FCHO1: variants seen among roughly 807,000 people sequenced by gnomAD.
The protein encoded by FCHO1 is FCH and mu domain containing endocytic adaptor 1, also known as F-BAR domain only protein 1.
In FCHO1, 45 loss-of-function variants were observed where a neutral mutation model predicts 114.4. The observed-to-expected ratio is 0.39, with a 90% CI of 0.31 to 0.50. FCHO1 has a LOEUF of 0.50. FCHO1 is among the 20% of genes least tolerant of loss of function. FCHO1 has a pLI of 0.77. For synonymous variants in FCHO1, 480 were observed against 488.9 expected, an observed-to-expected ratio of 0.98 and a Z score of 0.24; for missense variants, 1,042 against 1,209.6, an observed-to-expected ratio of 0.86 and a Z score of 2.06.
In FCHO1 at chr19:17,784,840, T is replaced by C; in HGVS notation, c.2342T>C (p.Val781Ala). 1 of 1,613,954 alleles carries C rather than the reference T, an allele frequency of 6.2e-7. No individual in the cohort carries two copies. The highest frequency in any genetic ancestry group is 1.1e-5 in the South Asian group (1 of 91,088). ...EYGYRPGATAVPTPLTNVQIL... is the reference protein window; with the variant it reads ...EYGYRPGATAAPTPLTNVQIL... The stretch of plus-strand genomic sequence containing the variant: ...GGCTACCGGCCCGGTGCCACGGCTG[T>C]GCCCACACCACTCACGAACGTCCAG... The change falls in exon 26 of 29, where the codon GTG becomes GCG. Residue 781 changes from valine to alanine, a missense_variant. Val to Ala is a moderately conservative substitution (Grantham distance 64, BLOSUM62 0). Around this residue, in one of 3 missense-constraint regions of FCHO1, gnomAD observed 137 missense variants for 190.0 expected, o/e 0.72. Coordinates refer to ENST00000596536, the MANE Select transcript of FCHO1 (RefSeq NM_015122.3). This position sits in a 1 kb window ranked among gnomAD's most constrained non-coding sequence, Gnocchi z 5.3.
intron 20 of FCHO1, 34 bp from the exon 21 acceptor site, chr19:17,781,197 C>T (rs1359771697): frequency 2.0e-6 from 3 of 1,500,266 alleles, no homozygotes; most frequent in Non-Finnish European, 2.8e-6. Context: ...CCCCGGGCAG[C>T]ATCTCAGCAG....
At position 17,784,638 on chromosome 19, in the gene FCHO1, G is replaced by T. The variant is rs1238762909; in HGVS notation, c.2227-87G>T. The stretch of plus-strand genomic sequence containing the variant: ...ACCCCCTTGGGGCGGTGCGTGCATC[G>T]CAGGGTCAAGGTGGTTGAATAGCGC... On this transcript the variant is annotated intron_variant, in intron 25 of 28. Transcript: ENST00000596536. The surrounding 1 kb of genome is among the most constrained non-coding windows in gnomAD (Gnocchi z 5.3). 1.5e-6 allele frequency: 2 copies of T among 1,293,004 alleles called. No homozygotes were observed. The highest frequency in any genetic ancestry group is 2.9e-5 in the African/African-American group (2 of 68,634). The allele number at this position is 1,293,004 out of a possible 1,614,324, so 80.1% of individuals were successfully genotyped here.
In FCHO1 at chr19:17,776,896, C is replaced by T. The variant is rs1390581533; in HGVS notation, c.1259+210C>T. On this transcript the variant is annotated intron_variant, in intron 18 of 28. Transcript: ENST00000596536. This position sits in a 1 kb window ranked among gnomAD's most constrained non-coding sequence, Gnocchi z 4.4. ...CACTGCAACCTCCACCTCCTGAGTT[C>T]AAGCGATTTTCATGCCTCAGCCTCC... is the stretch of plus-strand genomic sequence containing the variant. Among the ~76,000 whole-genome samples the T allele has an allele frequency of 6.6e-6, 1 of 152,070 alleles. No individual in the cohort carries two copies. The highest frequency in any genetic ancestry group is 1.5e-5 in the Non-Finnish European group (1 of 68,014).
chr19:17,765,052 G>A (rs1197026421), intron 6 of FCHO1, among the ~76,000 whole-genome samples: 2 of 125,204 alleles, frequency 1.6e-5, no homozygotes, highest in South Asian at 2.6e-4. Context: ...CAATAAGAGC[G>A]AAAACTCTGT....
chr19:17,784,834 C>T lies in FCHO1; in HGVS notation c.2336C>T (p.Thr779Met), dbSNP rs546367278. 1.9e-5 allele frequency: 31 copies of T among 1,613,934 alleles called. No homozygotes were observed. Among genetic ancestry groups the T allele is most frequent in the Middle Eastern group, 1.6e-4 (1 of 6,062 alleles). Residue 779 changes from threonine to methionine, a missense_variant, in exon 26 of 29, where the codon ACG becomes ATG. This residue lies in a region of FCHO1 where 137 missense variants were observed against 190.0 expected (regional missense o/e 0.72). Transcript: ENST00000596536. This position sits in a 1 kb window ranked among gnomAD's most constrained non-coding sequence, Gnocchi z 5.3. ...GAGTACGGCTACCGGCCCGGTGCCA[C>T]GGCTGTGCCCACACCACTCACGAAC... ...SVEYGYRPGA[T>M]AVPTPLTNVQ...
At position 17,766,665 on chromosome 19, in the gene FCHO1, C is replaced by G. The variant is rs1328056407; in HGVS notation, c.195-4C>G. ...ACCCTGGGTGTGACCTTGCCCGCCCCCAGGACCTTCGCCCCGCTCTGGGAG... is the reference window on the plus strand; with the variant it reads ...ACCCTGGGTGTGACCTTGCCCGCCCGCAGGACCTTCGCCCCGCTCTGGGAG... On this transcript the variant is annotated splice_region_variant and splice_polypyrimidine_tract_variant and intron_variant, in intron 6 of 28. Coordinates refer to ENST00000596536, the MANE Select transcript of FCHO1 (RefSeq NM_015122.3). The G allele has an allele frequency of 1.2e-6, 2 of 1,614,092 alleles. No individual in the cohort carries two copies. The highest frequency in any genetic ancestry group is 1.7e-6 in the Non-Finnish European group (2 of 1,180,022).
intron 24 of FCHO1, 86 bp downstream of exon 24, chr19:17,783,258 G>GT: frequency 4.5e-6 from 6 of 1,320,760 alleles, no homozygotes; most frequent in Non-Finnish European, 5.2e-6. Context: ...TGCTTCCTGG[G>GT]ATTTTTTCTT....
At chr19:17,766,346 C>T (rs918860815) in intron 6 of FCHO1, among the ~76,000 whole-genome samples, 1 of 151,882 alleles carries the variant, frequency 6.6e-6, no homozygotes, top group African/African-American at 2.4e-5. Context: ...CCATGTTGCT[C>T]AGGCTGGTCT....
chr19:17,748,518 T>C (rs1249110254), upstream of FCHO1, among the ~76,000 whole-genome samples: 1 of 121,206 alleles, frequency 8.3e-6, no homozygotes, highest in African/African-American at 3.3e-5. Flanking sequence ...GGGGGGGGGG[T>C]CCCTCTTTTA....
At chr19:17,762,877 C>T in intron 5 of FCHO1, 24 bp downstream of exon 5, 1 of 1,504,142 alleles carries the variant, frequency 6.6e-7, no homozygotes, top group Non-Finnish European at 9.3e-7. Flanking sequence ...GCCCCATCCA[C>T]CAGAGGCCAC....
intron 9 of FCHO1, among the ~76,000 whole-genome samples, chr19:17,771,959 C>T (rs140481067): frequency 1.8e-4 from 28 of 152,148 alleles, no homozygotes; most frequent in African/African-American, 6.7e-4. Context: ...ATTACAGGCA[C>T]GTGCCACCAC....
chr19:17,760,857 C>T (rs1042576539), intron 4 of FCHO1, among the ~76,000 whole-genome samples: 3 of 152,118 alleles, frequency 2.0e-5, no homozygotes, highest in Admixed American at 6.6e-5. Flanking sequence ...CCATTTTGGC[C>T]AGGCTGGTCT....
At chr19:17,751,042 G>A (rs1452784915), upstream of FCHO1, among the ~76,000 whole-genome samples, 14 of 152,054 alleles carry the variant, frequency 9.2e-5, no homozygotes, top group Admixed American at 5.2e-4. The surrounding 1 kb of genome is among the most constrained non-coding windows in gnomAD (Gnocchi z 4.4). Context: ...GGGTTTCACC[G>A]TGTTGGCCAG....
chr19:17,773,291 G>A (rs901722800), intron 11 of FCHO1, among the ~76,000 whole-genome samples: 2 of 152,216 alleles, frequency 1.3e-5, no homozygotes, highest in Non-Finnish European at 2.9e-5. Flanking sequence ...CATCTGTAAA[G>A]TGAGGATGTA....
In FCHO1 at chr19:17,772,749, A is replaced by C. The variant is rs1599690770; in HGVS notation, c.790+8A>C. ...CAGGCCGGGAGAAGCCTGGTGAGTC[A>C]GGGCAGCCATTGGGGGTCGGGCTTC... On this transcript the variant is annotated splice_region_variant and intron_variant, in intron 11 of 28. Coordinates refer to ENST00000596536, the MANE Select transcript of FCHO1 (RefSeq NM_015122.3). 3.7e-6 allele frequency: 6 copies of C among 1,612,364 alleles called. No homozygotes were observed. Among genetic ancestry groups the C allele is most frequent in the Non-Finnish European group, 5.1e-6 (6 of 1,178,530 alleles).
Position 17,751,817 on chromosome 19 carries a change from C to T in FCHO1, c.-183+240C>T, listed in dbSNP as rs184173366. On this transcript the variant is annotated intron_variant, in intron 1 of 28. Transcript: ENST00000596536. This position sits in a 1 kb window ranked among gnomAD's most constrained non-coding sequence, Gnocchi z 4.4. ...GGGAGCTTGGAAACCCAGAGAGCCA[C>T]GCGTGATGGTTTCAAACAGGAGGTC... Among the ~76,000 whole-genome samples, 16 of 152,300 alleles carry T rather than the reference C, an allele frequency of 1.1e-4. No homozygotes were observed. Among genetic ancestry groups the T allele is most frequent in the Admixed American group, 2.0e-4 (3 of 15,306 alleles).
chr19:17,759,053 G>C (rs1363892517), intron 4 of FCHO1, among the ~76,000 whole-genome samples: 2 of 151,966 alleles, frequency 1.3e-5, no homozygotes, highest in East Asian at 1.9e-4. Context: ...GAGGGCACAG[G>C]AAACTACCAT....
Position 17,778,722 on chromosome 19 carries a change from C to G in FCHO1, c.1465C>G (p.Pro489Ala). The G allele has an allele frequency of 6.5e-7, 1 of 1,544,214 alleles. No individual in the cohort carries two copies. The highest frequency in any genetic ancestry group is 8.7e-7 in the Non-Finnish European group (1 of 1,149,604). The stretch of plus-strand genomic sequence containing the variant: ...GTCCCACGCGGCACCTGGCCCCTCC[C>G]CAGATTCCTGGGTCCCCCGCCCAGG... ...SPSHAAPGPSPDSWVPRPGTP... is the reference protein window; with the variant it reads ...SPSHAAPGPSADSWVPRPGTP... Residue 489 changes from proline to alanine, a missense_variant, in exon 20 of 29, where the codon CCA (proline) becomes GCA (alanine). This residue lies in a region of FCHO1 where 455 missense variants were observed against 455.4 expected (regional missense o/e 1.00). Coordinates refer to ENST00000596536, the MANE Select transcript of FCHO1 (RefSeq NM_015122.3).
chr19:17,780,498 G>GC (rs939820470), intron 20 of FCHO1, among the ~76,000 whole-genome samples: 10 of 151,844 alleles, frequency 6.6e-5, no homozygotes, highest in South Asian at 4.2e-4. Context: ...TGCAAATTCT[G>GC]CCCCCCCAGG....
Sources: gnomAD v4.1 joint callset for allele counts (sites outside exome capture counted in the v4.1 genomes callset) on GRCh38, gnomAD v4.1.1 for gene constraint, gnomAD v4.1.1 regional missense constraint, Gnocchi (gnomAD v3.1) non-coding constraint, MANE v1.5 for transcripts, NCBI Gene and HGNC (gene_info 2026-07-23, HGNC 2026-07-21) for gene names.